The following RAD51B variants were observed in gnomAD, a reference collection of about 807,000 sequenced individuals.
The protein encoded by RAD51B is RAD51 paralog B, also known as DNA repair protein RAD51 homolog 2.
A neutral mutation model predicts 42.2 loss-of-function variants in RAD51B; 38 were observed. The ratio of observed to expected loss-of-function variants is 0.90; its 90% CI spans 0.70 to 1.18. The LOEUF is 1.18. RAD51B is among the 50% of genes most tolerant of loss of function. The pLI is 0.00. For missense variants in RAD51B, 373 were observed against 400.7 expected, an observed-to-expected ratio of 0.93 and a Z score of 0.59; for synonymous variants, 154 against 145.2, an observed-to-expected ratio of 1.06 and a Z score of -0.43.
At chr14:68,168,012 A>G (rs919417423) in intron 7 of RAD51B, among the ~76,000 whole-genome samples, 10 of 152,050 alleles carry the variant, frequency 6.6e-5, no homozygotes, top group Admixed American at 2.6e-4. Context: ...CGTGATTTGG[A>G]CTACTCTGAT....
chr14:68,075,321 C>T lies in RAD51B; in HGVS notation c.756+188117C>T, dbSNP rs36005127. On this transcript the variant is annotated intron_variant, in intron 7 of 10. Coordinates refer to ENST00000471583, the MANE Select transcript of RAD51B (RefSeq NM_133510.4). ...CAGGGTCTTTATTTCTTTCCCAGTC[C>T]GAGGGCAGCAAGGGTAGTACCACTG... Among the ~76,000 whole-genome samples, 96 of 152,138 alleles carry T rather than the reference C, an allele frequency of 6.3e-4. 1 individual carries two copies. The highest frequency in any genetic ancestry group is 2.7e-3 in the Admixed American group (42 of 15,274).
At chr14:67,964,091 A>G (rs1017050968) in intron 7 of RAD51B, among the ~76,000 whole-genome samples, 2 of 151,984 alleles carry the variant, frequency 1.3e-5, no homozygotes, top group Non-Finnish European at 2.9e-5. Flanking sequence ...ATATATACAT[A>G]TATATTTATA....
chr14:68,128,292 A>G (rs2077814007), intron 7 of RAD51B, among the ~76,000 whole-genome samples: 1 of 152,192 alleles, frequency 6.6e-6, no homozygotes, highest in African/African-American at 2.4e-5. Flanking sequence ...TAGACCTTCA[A>G]TAAAGTTAAT....
intron 8 of RAD51B, among the ~76,000 whole-genome samples, chr14:68,361,762 A>G (rs551940088): frequency 6.6e-5 from 10 of 152,180 alleles, no homozygotes; most frequent in Middle Eastern, 6.8e-3. Flanking sequence ...TGCAACCTCC[A>G]TGTCCCAGGT....
intron 8 of RAD51B, among the ~76,000 whole-genome samples, chr14:68,367,463 C>G (rs1225011513): frequency 1.3e-5 from 2 of 152,120 alleles, no homozygotes; most frequent in East Asian, 3.9e-4. Context: ...TATTCAATGC[C>G]TACTATATAT....
chr14:68,418,269 A>G (rs1258817177), intron 9 of RAD51B, among the ~76,000 whole-genome samples: 1 of 152,250 alleles, frequency 6.6e-6, no homozygotes, highest in Non-Finnish European at 1.5e-5. Context: ...ATTTAAACTG[A>G]AAACATTTCT....
At chr14:67,956,418 T>C (rs1366177883) in intron 7 of RAD51B, among the ~76,000 whole-genome samples, 1 of 151,836 alleles carries the variant, frequency 6.6e-6, no homozygotes, top group Non-Finnish European at 1.5e-5. Flanking sequence ...ACCTGGGAGG[T>C]AGAGATTGCA....
intron 7 of RAD51B, among the ~76,000 whole-genome samples, chr14:68,086,726 G>A (rs1671945086): frequency 1.3e-5 from 2 of 152,164 alleles, no homozygotes; most frequent in Non-Finnish European, 2.9e-5. Context: ...CAAAGTCAAG[G>A]GATGTTATTG....
chr14:67,853,194 G>A (rs1240667726), intron 4 of RAD51B, among the ~76,000 whole-genome samples: 1 of 152,160 alleles, frequency 6.6e-6, no homozygotes, highest in Non-Finnish European at 1.5e-5. Context: ...ATAGATTTTT[G>A]CCAACAGCTT....
chr14:68,447,710 A>G (rs2085454640), intron 9 of RAD51B, among the ~76,000 whole-genome samples: 1 of 152,202 alleles, frequency 6.6e-6, no homozygotes, highest in Non-Finnish European at 1.5e-5. Flanking sequence ...TTTGGGTTTT[A>G]GTTAGCCATT....
intron 8 of RAD51B, among the ~76,000 whole-genome samples, chr14:68,312,036 C>G (rs1359098562): frequency 6.6e-6 from 1 of 152,194 alleles, no homozygotes; most frequent in African/African-American, 2.4e-5. Context: ...TGTCTATTTT[C>G]AGGGATAACT....
intron 8 of RAD51B, chr14:68,339,393 TG>T: frequency 1.1e-6 from 1 of 898,930 alleles, no homozygotes. Context: ...TCTTTGGGGC[TG>T]GATATCCTGT....
intron 7 of RAD51B, among the ~76,000 whole-genome samples, chr14:68,083,186 T>G (rs959395918): frequency 6.6e-6 from 1 of 152,204 alleles, no homozygotes; most frequent in African/African-American, 2.4e-5. Flanking sequence ...GGGAACCACC[T>G]AAGATCTTAG....
rs537108515 is a variant in RAD51B at position 67,881,190 on chromosome 14, A to C, written c.453-4679A>C. The stretch of plus-strand genomic sequence containing the variant: ...GGGACCACTGTTGTATAAGTGATGC[A>C]TCATTGACTGAAATGTCGTTATGCA... On this transcript the variant is annotated intron_variant, in intron 5 of 10. Transcript: ENST00000471583. 3.9e-4 allele frequency among the ~76,000 whole-genome samples: 59 copies of C among 152,348 alleles called. 1 individual carries two copies. Among genetic ancestry groups the C allele is most frequent in the African/African-American group, 1.4e-3 (59 of 41,570 alleles).
chr14:67,888,623 G>T (rs1331421889), intron 7 of RAD51B, among the ~76,000 whole-genome samples: 1 of 152,106 alleles, frequency 6.6e-6, no homozygotes, highest in Non-Finnish European at 1.5e-5. Flanking sequence ...TGAAAGAAAA[G>T]AAAAGGATAG....
intron 7 of RAD51B, among the ~76,000 whole-genome samples, chr14:68,279,503 C>T (rs1460681338): frequency 6.6e-6 from 1 of 152,132 alleles, no homozygotes; most frequent in Non-Finnish European, 1.5e-5. Context: ...AGTTACCAGT[C>T]GTTAAACAGC....
chr14:68,311,744 G>A (rs1253746479), intron 8 of RAD51B, among the ~76,000 whole-genome samples: 1 of 152,124 alleles, frequency 6.6e-6, no homozygotes, highest in Non-Finnish European at 1.5e-5. Flanking sequence ...AAAATTAGCT[G>A]GGCATGGTGG....
chr14:68,482,197 G>GTGTGTGTGTGTGTGTGTA (rs1232955649), downstream of RAD51B, among the ~76,000 whole-genome samples: 1 of 150,444 alleles, frequency 6.6e-6, no homozygotes, highest in Admixed American at 6.6e-5. Flanking sequence ...GTGTGTGTGT[G>GTGTGTGTGTGTGTGTGTA]TATGTGTGTG....
In RAD51B at chr14:68,061,358, C is replaced by T. The variant is rs536513152; in HGVS notation, c.756+174154C>T. On this transcript the variant is annotated intron_variant, in intron 7 of 10. Transcript: ENST00000471583. Reference sequence around the variant, plus strand: ...TGCTGTGCTTACAGGTGTGAGCCACCACGCCCAGCTATTTGAGATCTTTTG... The same window carrying T: ...TGCTGTGCTTACAGGTGTGAGCCACTACGCCCAGCTATTTGAGATCTTTTG... 9.6e-4 allele frequency among the ~76,000 whole-genome samples: 146 copies of T among 152,232 alleles called. 1 individual carries two copies. The highest frequency in any genetic ancestry group is 3.2e-3 in the African/African-American group (135 of 41,540).
Sources: allele counts gnomAD v4.1 joint callset (sites outside exome capture counted in the v4.1 genomes callset), GRCh38; gene constraint gnomAD v4.1.1; transcripts MANE v1.5; gene names NCBI Gene and HGNC (gene_info 2026-07-23, HGNC 2026-07-21).